MME: variants seen among roughly 807,000 people sequenced by gnomAD.
The protein encoded by MME is neprilysin.
A neutral mutation model predicts 113.2 loss-of-function variants in MME; 98 were observed. That is an observed-to-expected ratio of 0.87 (90% CI 0.74 to 1.02). The LOEUF is 1.02. Among genes scored for constraint, MME ranks in the 50% least tolerant of loss-of-function variants. The pLI is 0.00. For missense variants in MME, 836 were observed against 896.0 expected, an observed-to-expected ratio of 0.93 and a Z score of 0.86; for synonymous variants, 292 against 300.6, an observed-to-expected ratio of 0.97 and a Z score of 0.30.
chr3:155,149,112 T>C (rs1250994161), intron 16 of MME, among the ~76,000 whole-genome samples: 1 of 152,174 alleles, frequency 6.6e-6, no homozygotes. Flanking sequence ...AACCCTGTGG[T>C]AGTCAAATAG....
intron 1 of MME, among the ~76,000 whole-genome samples, chr3:155,051,871 T>C (rs1254594930): frequency 1.3e-5 from 2 of 152,190 alleles, no homozygotes; most frequent in Non-Finnish European, 2.9e-5. Flanking sequence ...TGAAGTCTTA[T>C]CTGAGACAAG....
Position 155,096,372 on chromosome 3 carries a change from A to G in MME, c.196+11278A>G, listed in dbSNP as rs116535894. 6.7e-3 allele frequency among the ~76,000 whole-genome samples: 1,013 copies of G among 152,268 alleles called. 6 individuals carry two copies. Among genetic ancestry groups the G allele is most frequent in the African/African-American group, 0.023 (971 of 41,534 alleles). On this transcript the variant is annotated intron_variant, in intron 3 of 22. Transcript: ENST00000360490. ...CCCCTGGTGTGTGAGAGAGCTTGGC[A>G]ATATTGAGAAACTGAAAGAATATCT... is the stretch of plus-strand genomic sequence containing the variant.
In MME at chr3:155,138,205, A is replaced by C; in HGVS notation, c.824A>C (p.Lys275Thr). 6.2e-7 allele frequency: 1 copy of C among 1,613,720 alleles called. No individual in the cohort carries two copies. Among genetic ancestry groups the C allele is most frequent in the Non-Finnish European group, 8.5e-7 (1 of 1,179,746 alleles). Reference protein sequence around the residue: ...DENQLALEMNKVMELEKEIAN... With the variant: ...DENQLALEMNTVMELEKEIAN... ...AACCAGCTTGCTTTGGAAATGAATA[A>C]AGTTATGGAATTGGAAAAAGAAATT... The change falls in exon 9 of 23, where the codon AAA (lysine) becomes ACA (threonine). Residue 275 changes from lysine to threonine, a missense_variant. By Grantham distance (78) the Lys-to-Thr change is moderately conservative (BLOSUM62 -1). Coordinates refer to ENST00000360490, the MANE Select transcript of MME (RefSeq NM_007289.4).
Position 155,180,379 on chromosome 3 carries a change from A to G in MME, c.2173A>G (p.Asn725Asp). The change falls in exon 23 of 23, where the codon AAC becomes GAC. Residue 725 changes from asparagine to aspartate, a missense_variant. By Grantham distance (23) the Asn-to-Asp change is conservative (BLOSUM62 1). Coordinates refer to ENST00000360490, the MANE Select transcript of MME (RefSeq NM_007289.4). ...GNFRIIGTLQ[N>D]SAEFSEAFHC... ...TCAAAGGATTATTGGGACTTTGCAGAACTCTGCAGAGTTTTCAGAAGCCTT... is the reference window on the plus strand; with the variant it reads ...TCAAAGGATTATTGGGACTTTGCAGGACTCTGCAGAGTTTTCAGAAGCCTT... 6.2e-7 allele frequency: 1 copy of G among 1,613,610 alleles called. No individual in the cohort carries two copies. Among genetic ancestry groups the G allele is most frequent in the Non-Finnish European group, 8.5e-7 (1 of 1,179,560 alleles).
intron 1 of MME, among the ~76,000 whole-genome samples, chr3:155,044,035 G>T (rs1393919303): frequency 1.3e-5 from 2 of 150,442 alleles, no homozygotes; most frequent in African/African-American, 4.9e-5. Flanking sequence ...AGTTAAAAAT[G>T]TAGTCATAAC....
intron 8 of MME, among the ~76,000 whole-genome samples, chr3:155,136,944 CGTAAT>C (rs1720682103): frequency 6.6e-6 from 1 of 152,060 alleles, no homozygotes; most frequent in Non-Finnish European, 1.5e-5. Context: ...GAGGTGGAAT[CGTAAT>C]GTATTTTAAT....
intron 1 of MME, among the ~76,000 whole-genome samples, chr3:155,070,897 A>G (rs1395642161): frequency 6.6e-6 from 1 of 152,128 alleles, no homozygotes; most frequent in Non-Finnish European, 1.5e-5. Flanking sequence ...CCCCTGAGAA[A>G]AATCTGGGGT....
At chr3:155,101,435 T>G (rs1274574807) in intron 3 of MME, among the ~76,000 whole-genome samples, 1 of 152,092 alleles carries the variant, frequency 6.6e-6, no homozygotes, top group Non-Finnish European at 1.5e-5. Context: ...GCCCAGGCAC[T>G]CACTGGGGCC....
intron 1 of MME, among the ~76,000 whole-genome samples, chr3:155,063,483 TTA>T (rs1284530603): frequency 0.083 from 9,113 of 110,460 alleles, 630 homozygotes; most frequent in African/African-American, 0.19. Flanking sequence ...TTTTATTATT[TTA>T]TATATATATA....
chr3:155,089,252 G>A (rs1318941870), intron 3 of MME, among the ~76,000 whole-genome samples: 1 of 152,124 alleles, frequency 6.6e-6, no homozygotes, highest in African/African-American at 2.4e-5. Flanking sequence ...CAAAAACTTA[G>A]AGTTATAAAA....
intron 1 of MME, among the ~76,000 whole-genome samples, chr3:155,041,624 T>C (rs552299448): frequency 2.8e-4 from 43 of 152,294 alleles, no homozygotes; most frequent in Non-Finnish European, 4.7e-4. Context: ...TCTTGCAGGG[T>C]ATTTAGAGCA....
chr3:155,081,759 CTT>C (rs1715172198), intron 1 of MME: 1 of 151,886 alleles, frequency 6.6e-6, no homozygotes, highest in South Asian at 2.1e-4. Flanking sequence ...CCCCTGATGT[CTT>C]AAAGAAAAAT....
At chr3:155,069,784 A>T (rs1023779155) in intron 1 of MME, among the ~76,000 whole-genome samples, 2 of 152,152 alleles carry the variant, frequency 1.3e-5, no homozygotes, top group African/African-American at 4.8e-5. Flanking sequence ...CATCAGATTA[A>T]TGGACTAGGA....
intron 3 of MME, among the ~76,000 whole-genome samples, chr3:155,110,522 TC>T (rs1236066608): frequency 2.6e-5 from 4 of 152,304 alleles, no homozygotes; most frequent in South Asian, 2.1e-4. Flanking sequence ...ATTCCTATAG[TC>T]AAATAAGTTG....
chr3:155,130,494 A>C (rs1280014637), intron 8 of MME, among the ~76,000 whole-genome samples: 1 of 152,158 alleles, frequency 6.6e-6, no homozygotes, highest in Non-Finnish European at 1.5e-5. Context: ...AGAAGTGTAG[A>C]GCCTTCACAA....
chr3:155,180,600 C>T lies in MME; in HGVS notation c.*141C>T, dbSNP rs1016822493. 5.5e-6 allele frequency: 4 copies of T among 721,122 alleles called. No individual in the cohort carries two copies. The highest frequency in any genetic ancestry group is 4.1e-5 in the Admixed American group (2 of 49,322). The allele number at this position is 721,122 out of a possible 1,614,324, so 44.7% of individuals were successfully genotyped here. On this transcript the variant is annotated 3_prime_UTR_variant, in exon 23 of 23. Transcript: ENST00000360490. Reference sequence around the variant, plus strand: ...TAACAGAGAGGGCACCATCACAATACAGATAACATTAGGTTGTCCTAGAAA... The same window carrying T: ...TAACAGAGAGGGCACCATCACAATATAGATAACATTAGGTTGTCCTAGAAA...
intron 17 of MME, among the ~76,000 whole-genome samples, chr3:155,164,721 A>G (rs1057022799): frequency 6.6e-6 from 1 of 152,206 alleles, no homozygotes; most frequent in African/African-American, 2.4e-5. Context: ...TTAATAAAGT[A>G]CTGCACATAA....
At chr3:155,113,591 T>A (rs181079225) in intron 3 of MME, among the ~76,000 whole-genome samples, 33 of 152,280 alleles carry the variant, frequency 2.2e-4, no homozygotes, top group African/African-American at 7.7e-4. Flanking sequence ...CCACTGACAT[T>A]TTTCAGCAAG....
chr3:155,153,556 T>C (rs1006061484), intron 16 of MME, among the ~76,000 whole-genome samples: 1 of 152,188 alleles, frequency 6.6e-6, no homozygotes, highest in Non-Finnish European at 1.5e-5. Context: ...AAGAAAAAGA[T>C]GTACAAGAAC....
Sources: gnomAD v4.1 joint callset for allele counts (sites outside exome capture counted in the v4.1 genomes callset) on GRCh38, gnomAD v4.1.1 for gene constraint, MANE v1.5 for transcripts, NCBI Gene and HGNC (gene_info 2026-07-23, HGNC 2026-07-21) for gene names.